Variants in AKT3 observed in about 807,000 individuals in gnomAD.
The protein encoded by AKT3 is AKT serine/threonine kinase 3, also known as RAC-gamma serine/threonine-protein kinase.
AKT3 carries 15 observed loss-of-function variants against 65.3 expected under a neutral mutation model. That is an observed-to-expected ratio of 0.23 (90% CI 0.15 to 0.35). The LOEUF (loss-of-function observed/expected upper bound fraction) is 0.35. Among genes scored for constraint, AKT3 ranks in the 10% least tolerant of loss-of-function variants. The probability of loss-of-function intolerance (pLI) is 1.00; values close to 1 mark genes in which losing one functional copy is unlikely to be tolerated. For missense variants in AKT3, 243 were observed against 576.5 expected, an observed-to-expected ratio of 0.42 and a Z score of 5.92; for synonymous variants, 206 against 183.8, an observed-to-expected ratio of 1.12 and a Z score of -0.98.
rs192435517 is a variant in AKT3, at chr1:243,824,239, A to G, written c.46+18886T>C. Among the ~76,000 whole-genome samples, 537 of 152,310 alleles carry G rather than the reference A, an allele frequency of 3.5e-3. 2 individuals are homozygous for G. Among genetic ancestry groups the G allele is most frequent in the African/African-American group, 0.012 (519 of 41,554 alleles). ...AATTGAAACTGGGCCCCTTCCTTACATCATATACAAAAATTAACTCAATAC... is the reference window on the plus strand; with the variant it reads ...AATTGAAACTGGGCCCCTTCCTTACGTCATATACAAAAATTAACTCAATAC... On this transcript the variant is annotated intron_variant, in intron 2 of 13. Transcript: ENST00000673466.
At chr1:243,719,548 G>T (rs892681265) in intron 2 of AKT3, among the ~76,000 whole-genome samples, 3 of 152,166 alleles carry the variant, frequency 2.0e-5, no homozygotes, top group Non-Finnish European at 2.9e-5. Context: ...ATCAGTGAAG[G>T]TAATGCTGGC....
intron 6 of AKT3, among the ~76,000 whole-genome samples, chr1:243,619,315 T>C (rs557724262): frequency 1.3e-5 from 2 of 152,264 alleles, no homozygotes; most frequent in East Asian, 3.9e-4. Flanking sequence ...ATTAGGGTAA[T>C]GGGGATATTC....
At position 243,707,026 on chromosome 1, in the gene AKT3, T is replaced by C. The variant is rs141665985; in HGVS notation, c.47-11310A>G. On this transcript the variant is annotated intron_variant, in intron 2 of 13. Transcript: ENST00000673466. ...CTCTCTGGGTCTCAGCTTCCTCTTC[T>C]GGAAAATGGGGACAATAATAATGGA... is the stretch of plus-strand genomic sequence containing the variant. Among the ~76,000 whole-genome samples, 246 of 152,266 alleles carry C rather than the reference T, an allele frequency of 1.6e-3. 1 individual carries two copies. The highest frequency in any genetic ancestry group is 2.8e-3 in the Non-Finnish European group (192 of 68,018).
At chr1:243,769,032 T>C (rs995950180) in intron 2 of AKT3, among the ~76,000 whole-genome samples, 5 of 152,050 alleles carry the variant, frequency 3.3e-5, no homozygotes, top group African/African-American at 7.2e-5. Flanking sequence ...CTCCTGACCA[T>C]GAAACCACTT....
At chr1:243,518,012 A>G (rs1451994094) in intron 12 of AKT3, among the ~76,000 whole-genome samples, 1 of 152,238 alleles carries the variant, frequency 6.6e-6, no homozygotes, top group Non-Finnish European at 1.5e-5. Flanking sequence ...ACCTTTTTAG[A>G]GATCAGGAAA....
chr1:243,654,919 T>G (rs1308771087), intron 4 of AKT3, among the ~76,000 whole-genome samples: 1 of 152,164 alleles, frequency 6.6e-6, no homozygotes, highest in Non-Finnish European at 1.5e-5. Flanking sequence ...ATTTTCTTCA[T>G]ATTTTTCCTA....
chr1:243,620,528 T>C (rs912102237), intron 6 of AKT3, among the ~76,000 whole-genome samples: 3 of 112,826 alleles, frequency 2.7e-5, no homozygotes, highest in African/African-American at 7.5e-5. Flanking sequence ...GTATACTTTT[T>C]TTTTTCCTGC....
intron 4 of AKT3, 53 bp downstream of exon 4, chr1:243,664,719 T>A: frequency 3.6e-6 from 3 of 834,652 alleles, no homozygotes; most frequent in Non-Finnish European, 5.5e-6. Context: ...TACAAATACA[T>A]CTTTAGATTG....
intron 1 of AKT3, among the ~76,000 whole-genome samples, chr1:243,846,773 T>G (rs1038246442): frequency 6.6e-6 from 1 of 152,164 alleles, no homozygotes; most frequent in Non-Finnish European, 1.5e-5. Context: ...ACTGTAATAA[T>G]AGGTACAAAC....
intron 2 of AKT3, among the ~76,000 whole-genome samples, chr1:243,767,559 A>AT (rs1689909344): frequency 1.3e-5 from 2 of 152,180 alleles, no homozygotes; most frequent in South Asian, 4.1e-4. Context: ...TAACTTTTTA[A>AT]TTAATACTTC....
intron 12 of AKT3, among the ~76,000 whole-genome samples, chr1:243,521,281 C>T (rs534099889): frequency 3.3e-4 from 50 of 152,190 alleles, no homozygotes; most frequent in Non-Finnish European, 6.5e-4. Flanking sequence ...ATTGCCAACA[C>T]TATTGCATGT....
intron 2 of AKT3, among the ~76,000 whole-genome samples, chr1:243,698,865 G>A (rs1685230527): frequency 6.7e-6 from 1 of 149,480 alleles, no homozygotes; most frequent in Non-Finnish European, 1.5e-5. Flanking sequence ...AACTTTCTGA[G>A]AAGATGCTTA....
chr1:243,657,178 G>A (rs1681869724), intron 4 of AKT3, among the ~76,000 whole-genome samples: 1 of 152,146 alleles, frequency 6.6e-6, no homozygotes. Context: ...TCCTCAGAGA[G>A]TTCCTTTGGC....
intron 2 of AKT3, among the ~76,000 whole-genome samples, chr1:243,789,223 A>AT (rs983076985): frequency 4.6e-5 from 7 of 152,152 alleles, no homozygotes; most frequent in Non-Finnish European, 8.8e-5. Context: ...ACAAAAGATA[A>AT]TTTTTTTAAA....
intron 1 of AKT3, among the ~76,000 whole-genome samples, chr1:243,844,193 C>A (rs1320121014): frequency 2.6e-5 from 4 of 152,084 alleles, no homozygotes; most frequent in African/African-American, 9.7e-5. Context: ...ATCTTTATAA[C>A]CTTATGAGGA....
At chr1:243,553,630 TGG>T (rs1673217864) in intron 10 of AKT3, among the ~76,000 whole-genome samples, 1 of 151,976 alleles carries the variant, frequency 6.6e-6, no homozygotes, top group African/African-American at 2.4e-5. Flanking sequence ...GCAAAAAAAA[TGG>T]ACTTAATATC....
chr1:243,496,490 G>C (rs1175050074), downstream of AKT3, among the ~76,000 whole-genome samples: 3 of 152,240 alleles, frequency 2.0e-5, no homozygotes, highest in African/African-American at 7.2e-5. Context: ...CAAGGAACAG[G>C]ACCACGTTTT....
At chr1:243,734,429 T>G (rs1687731704) in intron 2 of AKT3, among the ~76,000 whole-genome samples, 1 of 152,210 alleles carries the variant, frequency 6.6e-6, no homozygotes, top group South Asian at 2.1e-4. Context: ...TAGAAACACC[T>G]AGTTTTTAGG....
At chr1:243,629,653 G>A (rs772101436) in intron 6 of AKT3, among the ~76,000 whole-genome samples, 15 of 152,210 alleles carry the variant, frequency 9.9e-5, no homozygotes, top group Non-Finnish European at 1.8e-4. Context: ...TTAGCCAGGC[G>A]TGGTGGTGGG....
Sources: gnomAD v4.1 joint callset for allele counts (sites outside exome capture counted in the v4.1 genomes callset) on GRCh38, gnomAD v4.1.1 for gene constraint, MANE v1.5 for transcripts, NCBI Gene and HGNC (gene_info 2026-07-23, HGNC 2026-07-21) for gene names.